Variants in CDH9 observed in about 807,000 individuals in gnomAD.
CDH9 encodes the protein cadherin 9.
Under a neutral mutation model 70.9 loss-of-function variants are expected in CDH9, and 28 were observed. That is an observed-to-expected ratio of 0.40 (90% CI 0.29 to 0.54). CDH9 has a LOEUF of 0.54. CDH9 is among the 20% of genes least tolerant of loss of function. CDH9 has a pLI of 0.59. For synonymous variants in CDH9, 409 were observed against 343.1 expected, an observed-to-expected ratio of 1.19 and a Z score of -2.12; for missense variants, 874 against 984.4, an observed-to-expected ratio of 0.89 and a Z score of 1.50.
chr5:26,910,256 T>TATCTATC (rs1554036141), intron 3 of CDH9, among the ~76,000 whole-genome samples: 2,336 of 150,128 alleles, frequency 0.016, 12 homozygotes, highest in Middle Eastern at 0.072. Flanking sequence ...TCTATCTATC[T>TATCTATC]ATCTATCTGG....
intron 1 of CDH9, among the ~76,000 whole-genome samples, chr5:27,009,459 C>G (rs987995369): frequency 3.3e-5 from 5 of 152,024 alleles, no homozygotes; most frequent in Non-Finnish European, 7.3e-5. Flanking sequence ...TGTTGCCAGC[C>G]CCCCTAATCT....
chr5:26,885,753 A>G lies in CDH9; in HGVS notation c.1743T>C (p.Thr581=), dbSNP rs781346703. The change falls in exon 11 of 12, where the codon ACT becomes ACC. Residue 581 remains threonine, a synonymous_variant. Coordinates refer to ENST00000231021, the MANE Select transcript of CDH9 (RefSeq NM_016279.4). ...CACACACACGGATAGTGAGTGTACC[A>G]GTGCTGCTTTGAATTGGATAATCGT... is the stretch of plus-strand genomic sequence containing the variant. The part of the protein sequence containing the change: ...FDNDYPIQSS[T]GTLTIRVCAC... The G allele has an allele frequency of 1.1e-5, 18 of 1,613,888 alleles. No homozygotes were observed. The highest frequency in any genetic ancestry group is 1.5e-5 in the Non-Finnish European group (18 of 1,179,928).
chr5:26,959,970 G>A (rs1445818663), intron 2 of CDH9, among the ~76,000 whole-genome samples: 5 of 151,912 alleles, frequency 3.3e-5, no homozygotes. Context: ...CATTGAAAAT[G>A]TACTAAATTC....
chr5:27,011,825 T>A (rs191672996), intron 1 of CDH9, among the ~76,000 whole-genome samples: 1 of 152,024 alleles, frequency 6.6e-6, no homozygotes, highest in Non-Finnish European at 1.5e-5. Flanking sequence ...TACTTAGTAG[T>A]TGTGTAACTT....
At position 26,881,605 on chromosome 5, in the gene CDH9, G is replaced by T; in HGVS notation, c.1901C>A (p.Ala634Asp). Residue 634 changes from alanine to aspartate, a missense_variant, in exon 12 of 12, where the codon GCT (alanine) becomes GAT (aspartate). Transcript: ENST00000231021. ...LILLILVVLF[A>D]ALKRQRKKEP... ...CTTTTTTCTTTGCCTCTTCAATGCA[G>T]CAAACAACACGACTAAAACTATTAA... 6.2e-7 allele frequency: 1 copy of T among 1,609,238 alleles called. No individual in the cohort carries two copies. The highest frequency in any genetic ancestry group is 8.5e-7 in the Non-Finnish European group (1 of 1,178,564).
chr5:26,976,464 G>T (rs1454426389), intron 2 of CDH9, among the ~76,000 whole-genome samples: 1 of 152,064 alleles, frequency 6.6e-6, no homozygotes, highest in Non-Finnish European at 1.5e-5. Context: ...TTTGTTATTT[G>T]AGACAGGGTC....
intron 11 of CDH9, among the ~76,000 whole-genome samples, chr5:26,884,167 C>G (rs1414473066): frequency 6.6e-6 from 1 of 151,924 alleles, no homozygotes; most frequent in Non-Finnish European, 1.5e-5. Context: ...ACAAAGGTGG[C>G]TGACTGCAGA....
chr5:26,985,956 A>G (rs1313104986), intron 2 of CDH9, among the ~76,000 whole-genome samples: 1 of 151,922 alleles, frequency 6.6e-6, no homozygotes, highest in Admixed American at 6.6e-5. Flanking sequence ...ATAAAGAGAG[A>G]GTAAATGCCC....
intron 2 of CDH9, among the ~76,000 whole-genome samples, chr5:26,921,069 A>G (rs1351131400): frequency 2.6e-5 from 4 of 152,194 alleles, no homozygotes; most frequent in Non-Finnish European, 5.9e-5. Context: ...GACCTTTCAA[A>G]CAGAGGATTC....
intron 3 of CDH9, among the ~76,000 whole-genome samples, chr5:26,914,381 C>A (rs937422751): frequency 4.0e-5 from 6 of 151,734 alleles, no homozygotes; most frequent in African/African-American, 1.5e-4. Flanking sequence ...GCGCACTGGT[C>A]GACCTATACA....
At chr5:26,916,925 A>T (rs1741159212) in intron 2 of CDH9, among the ~76,000 whole-genome samples, 1 of 151,978 alleles carries the variant, frequency 6.6e-6, no homozygotes. Flanking sequence ...ACTATGTCTT[A>T]GGAAAAAATA....
chr5:26,918,370 C>T (rs186639742), intron 2 of CDH9, among the ~76,000 whole-genome samples: 1 of 152,122 alleles, frequency 6.6e-6, no homozygotes, highest in Admixed American at 6.5e-5. Context: ...CACTTCATTC[C>T]CTATCATGAT....
At chr5:27,018,221 C>A (rs2112122331) in intron 1 of CDH9, among the ~76,000 whole-genome samples, 1 of 151,706 alleles carries the variant, frequency 6.6e-6, no homozygotes, top group Admixed American at 6.6e-5. Flanking sequence ...GATTTAAGCT[C>A]CTATTTACAT....
chr5:27,022,283 A>T (rs566577511), intron 1 of CDH9, among the ~76,000 whole-genome samples: 24 of 152,142 alleles, frequency 1.6e-4, no homozygotes, highest in South Asian at 1.0e-3. Flanking sequence ...GAGTTTTTTT[A>T]AAGGATCATT....
chr5:27,034,117 TTAGA>T (rs1213570932), intron 1 of CDH9, among the ~76,000 whole-genome samples: 1 of 151,774 alleles, frequency 6.6e-6, no homozygotes, highest in Non-Finnish European at 1.5e-5. Context: ...ATAAATTCTG[TTAGA>T]TAAATGTTTC....
chr5:27,035,799 A>G (rs2112140817), intron 1 of CDH9, among the ~76,000 whole-genome samples: 1 of 151,656 alleles, frequency 6.6e-6, no homozygotes, highest in African/African-American at 2.4e-5. Flanking sequence ...CTAATATAAG[A>G]TTATTTCTAC....
At chr5:26,900,103 C>T (rs972247050) in intron 7 of CDH9, among the ~76,000 whole-genome samples, 2 of 151,576 alleles carry the variant, frequency 1.3e-5, no homozygotes, top group Non-Finnish European at 2.9e-5. Flanking sequence ...TTACAAATTC[C>T]CTGAGAGATA....
intron 2 of CDH9, among the ~76,000 whole-genome samples, chr5:26,985,195 T>G (rs1320589405): frequency 1.4e-4 from 22 of 152,098 alleles, no homozygotes; most frequent in Admixed American, 1.2e-3. Flanking sequence ...TCTTTTATTG[T>G]GCTATATACA....
At chr5:27,015,600 G>A (rs1743034084) in intron 1 of CDH9, among the ~76,000 whole-genome samples, 1 of 151,446 alleles carries the variant, frequency 6.6e-6, no homozygotes, top group Non-Finnish European at 1.5e-5. Flanking sequence ...TTCCTCTTAG[G>A]AAGTTGCCTG....
Sources: gnomAD v4.1 joint callset for allele counts (sites outside exome capture counted in the v4.1 genomes callset) on GRCh38, gnomAD v4.1.1 for gene constraint, MANE v1.5 for transcripts, NCBI Gene and HGNC (gene_info 2026-07-23, HGNC 2026-07-21) for gene names.